ADGRG4: variants seen among roughly 807,000 people sequenced by gnomAD.
The protein encoded by ADGRG4 is G protein-coupled receptor 112.
ADGRG4 carries 122 observed loss-of-function variants against 126.2 expected under a neutral mutation model. The observed-to-expected ratio is 0.97, with a 90% CI of 0.83 to 1.12. ADGRG4 has a LOEUF of 1.12. ADGRG4 is among the 50% of genes most tolerant of loss of function. ADGRG4 has a pLI of 0.00. For synonymous variants in ADGRG4, 943 were observed against 838.7 expected (o/e 1.12, Z -2.15); for missense variants, 2,481 against 2,251.8 (o/e 1.10, Z -2.06).
At chrX:136,354,576 A>T (rs868731240) in intron 8 of ADGRG4, among the ~76,000 whole-genome samples, 2 of 111,007 alleles carry the variant, frequency 1.8e-5, no homozygotes, top group Admixed American at 1.9e-4. Context: ...TCTCTACTTC[A>T]ATTCTATTCT....
intron 23 of ADGRG4, among the ~76,000 whole-genome samples, chrX:136,407,150 TG>T (rs1190988421): frequency 9.0e-6 from 1 of 110,930 alleles, no homozygotes; most frequent in East Asian, 2.8e-4. Flanking sequence ...TCTCCCTTCG[TG>T]CTCTCCACTA....
intron 15 of ADGRG4, among the ~76,000 whole-genome samples, chrX:136,383,859 TTTCTTTCTTTCTTTC>T (rs1364556200): frequency 1.4e-5 from 1 of 73,298 alleles, no homozygotes; most frequent in Non-Finnish European, 2.9e-5. Context: ...TCTTTCTTTC[TTTCTTTCTTTCTTTC>T]TTCTTTCTTC....
chrX:136,332,516 T>C (rs1200690153), intron 5 of ADGRG4, among the ~76,000 whole-genome samples: 2 of 107,827 alleles, frequency 1.9e-5, no homozygotes, highest in African/African-American at 6.7e-5. Context: ...TTTGGGTATA[T>C]ACCCAGTAAT....
At chrX:136,308,146 C>T (rs779151569) in intron 3 of ADGRG4, among the ~76,000 whole-genome samples, 2 of 112,814 alleles carry the variant, frequency 1.8e-5, no homozygotes, top group South Asian at 7.3e-4. Flanking sequence ...ACTTGTTGCC[C>T]AGGTTGGAGC....
intron 4 of ADGRG4, among the ~76,000 whole-genome samples, chrX:136,310,108 G>A (rs2074758438): frequency 9.0e-6 from 1 of 110,587 alleles, no homozygotes; most frequent in Non-Finnish European, 1.9e-5. Flanking sequence ...GCATGGGTTT[G>A]CGAGGAATGT....
intron 8 of ADGRG4, among the ~76,000 whole-genome samples, chrX:136,354,455 T>A (rs1226226722): frequency 9.0e-6 from 1 of 111,422 alleles, no homozygotes; most frequent in Non-Finnish European, 1.9e-5. Context: ...TTCAAACTGT[T>A]TTTTTTCCTC....
At chrX:136,334,207 A>G (rs1040939210) in intron 5 of ADGRG4, among the ~76,000 whole-genome samples, 3 of 108,340 alleles carry the variant, frequency 2.8e-5, no homozygotes, top group Non-Finnish European at 5.7e-5. Context: ...TGAAAAGGTT[A>G]TACTTGCTTT....
At chrX:136,315,010 A>C (rs958655810) in intron 4 of ADGRG4, among the ~76,000 whole-genome samples, 2 of 111,622 alleles carry the variant, frequency 1.8e-5, no homozygotes, top group African/African-American at 6.5e-5. Flanking sequence ...GCAGGCCACA[A>C]ATGGAGTCAG....
intron 4 of ADGRG4, among the ~76,000 whole-genome samples, chrX:136,322,094 G>T (rs1324762955): frequency 9.0e-6 from 1 of 111,644 alleles, no homozygotes. Context: ...GGTAACTGGG[G>T]TCTATGGCCA....
chrX:136,414,924 T>C (rs2075468030), intron 25 of ADGRG4, among the ~76,000 whole-genome samples: 1 of 112,271 alleles, frequency 8.9e-6, no homozygotes. Context: ...CTGAGACAGA[T>C]GTTCAGTTGG....
intron 15 of ADGRG4, among the ~76,000 whole-genome samples, chrX:136,381,168 C>A (rs2075261764): frequency 9.0e-6 from 1 of 111,664 alleles, no homozygotes; most frequent in African/African-American, 3.3e-5. Flanking sequence ...TATGTCAGTT[C>A]AAAATATTTT....
At chrX:136,383,875 TTCTTTC>T (rs2148488548) in intron 15 of ADGRG4, among the ~76,000 whole-genome samples, 3 of 44,759 alleles carry the variant, frequency 6.7e-5, no homozygotes, top group Admixed American at 3.7e-4. Flanking sequence ...TCTTTCTTTC[TTCTTTC>T]TTCCTTTCCT....
chrX:136,398,716 G>A (rs374195043), intron 20 of ADGRG4, among the ~76,000 whole-genome samples: 10 of 111,909 alleles, frequency 8.9e-5, no homozygotes, highest in Admixed American at 2.8e-4. Flanking sequence ...AAAATTATTC[G>A]GCAATACCTG....
At chrX:136,351,736 CTCTT>C (rs2075064406) in intron 7 of ADGRG4, among the ~76,000 whole-genome samples, 195 bp downstream of exon 7, 1 of 109,013 alleles carries the variant, frequency 9.2e-6, no homozygotes, top group Admixed American at 9.9e-5. Flanking sequence ...TATGCAATCT[CTCTT>C]TCATAGTGCC....
At chrX:136,322,228 C>T (rs1051515863) in intron 4 of ADGRG4, among the ~76,000 whole-genome samples, 1 of 111,783 alleles carries the variant, frequency 8.9e-6, no homozygotes, top group Non-Finnish European at 1.9e-5. Flanking sequence ...TATCGCCCAG[C>T]TGGTCATTCT....
chrX:136,409,629 G>A (rs921512021), intron 23 of ADGRG4, among the ~76,000 whole-genome samples: 2 of 111,653 alleles, frequency 1.8e-5, no homozygotes, highest in East Asian at 5.6e-4. Context: ...GTTACACATG[G>A]AGATAAAACC....
intron 24 of ADGRG4, 38 bp downstream of exon 24, chrX:136,412,404 T>C: frequency 1.1e-6 from 1 of 876,025 alleles, no homozygotes; most frequent in Non-Finnish European, 1.7e-6. Context: ...GAATATTACA[T>C]GTTTTACAAA....
chrX:136,314,646 T>A (rs927258009), intron 4 of ADGRG4, among the ~76,000 whole-genome samples: 1 of 112,266 alleles, frequency 8.9e-6, no homozygotes, highest in Non-Finnish European at 1.9e-5. Context: ...CATCTCTGCT[T>A]TTCCCATTAC....
Position 136,371,508 on chromosome X carries a change from A to G in ADGRG4, c.7577A>G (p.Asn2526Ser). The G allele has an allele frequency of 8.4e-7, 1 of 1,195,002 alleles. No homozygotes were observed. The highest frequency in any genetic ancestry group is 1.1e-6 in the Non-Finnish European group (1 of 884,705). Residue 2526 changes from asparagine (N) to serine (S), a missense_variant, in exon 14 of 26, where the codon AAC becomes AGC. Asn to Ser is a conservative substitution (Grantham distance 46). Coordinates refer to ENST00000394143, the MANE Select transcript of ADGRG4 (RefSeq NM_153834.4). The part of the protein sequence containing the change: ...QIINVVLEKQ[N>S]NSASDLHEIS... ...ATCAACGTTGTTTTGGAAAAGCAAA[A>G]CAATTCCGCCTCTGATCTGCATGAA... is the stretch of plus-strand genomic sequence containing the variant.
Sources: gnomAD v4.1 joint callset for allele counts (sites outside exome capture counted in the v4.1 genomes callset) on GRCh38, gnomAD v4.1.1 for gene constraint, MANE v1.5 for transcripts, NCBI Gene and HGNC (gene_info 2026-07-23, HGNC 2026-07-21) for gene names.